NAP1L1: variants seen among roughly 807,000 people sequenced by gnomAD.
NAP1L1 encodes nucleosome assembly protein 1-like 1.
Under a neutral mutation model 58.9 loss-of-function variants are expected in NAP1L1, and 9 were observed. The observed-to-expected ratio is 0.15, with a 90% CI of 0.09 to 0.27. The LOEUF is 0.27. Ranked by LOEUF, NAP1L1 falls within the 10% of genes least tolerant of loss-of-function variation. The pLI, the probability that NAP1L1 is intolerant of heterozygous loss-of-function variation, is 1.00. For missense variants in NAP1L1, 302 were observed against 458.8 expected (o/e 0.66, Z 3.12); for synonymous variants, 130 against 138.3 (o/e 0.94, Z 0.42).
chr12:76,049,439 C>A (rs1192112674), intron 13 of NAP1L1, 189 bp from the exon 14 acceptor site: 1 of 1,535,610 alleles, frequency 6.5e-7, no homozygotes, highest in East Asian at 2.4e-5. Context: ...CTTGAGACAT[C>A]CAGACAGCTT....
At chr12:76,067,600 G>A (rs1949741639) in intron 3 of NAP1L1, 127 bp from the exon 4 acceptor site, 4 of 628,960 alleles carry the variant, frequency 6.4e-6, no homozygotes, top group South Asian at 2.2e-5. Flanking sequence ...CTAATGAGTA[G>A]AGACGGGCAG....
chr12:76,061,692 C>T (rs996423134), intron 4 of NAP1L1, among the ~76,000 whole-genome samples: 1 of 152,172 alleles, frequency 6.6e-6, no homozygotes, highest in African/African-American at 2.4e-5. Context: ...GCAACAGATA[C>T]AAAATCCAGG....
At chr12:76,070,126 T>G (rs1949881745) in intron 2 of NAP1L1, among the ~76,000 whole-genome samples, 1 of 152,112 alleles carries the variant, frequency 6.6e-6, no homozygotes, top group African/African-American at 2.4e-5. Context: ...TGAAAGCTTT[T>G]TTTTTTTTGG....
At chr12:76,084,394 GGGTCCGGACTCCGCGGTCCTGTCC>G (rs1950533168) in intron 1 of NAP1L1, among the ~76,000 whole-genome samples, 149 bp downstream of exon 1, 1 of 152,104 alleles carries the variant, frequency 6.6e-6, no homozygotes, top group Non-Finnish European at 1.5e-5. Flanking sequence ...TCAGGCTCCG[GGGTCCGGACTCCGCGGTCCTGTCC>G]GACCTCACAG....
At position 76,041,365 on chromosome 12, in the gene NAP1L1, C is replaced by A. The variant is rs1006481316; in HGVS notation, c.*7064G>T. 6.6e-5 allele frequency: 10 copies of A among 152,082 alleles called. No homozygotes were observed. Among genetic ancestry groups the A allele is most frequent in the Non-Finnish European group, 1.5e-4 (10 of 68,018 alleles). 9.4% of individuals were successfully genotyped at this position (152,082 alleles called of 1,614,324 possible). A position where few individuals can be genotyped will look rare whatever the true frequency, so the allele number is the denominator to read the frequency against. On this transcript the variant is annotated 3_prime_UTR_variant, in exon 15 of 15. Transcript: ENST00000618691. ...TCAAAACCAGTTCAGATTTATAGAA[C>A]CAAAGAGTAGGTACTGATGAAAAGG...
At chr12:76,082,236 A>G (rs1950433747) in intron 1 of NAP1L1, among the ~76,000 whole-genome samples, 2 of 152,218 alleles carry the variant, frequency 1.3e-5, no homozygotes, top group Admixed American at 6.5e-5. Flanking sequence ...CCTTCTACAA[A>G]AAGACCCTTA....
At chr12:76,074,754 C>T (rs1305317799) in intron 1 of NAP1L1, among the ~76,000 whole-genome samples, 2 of 152,174 alleles carry the variant, frequency 1.3e-5, no homozygotes. Flanking sequence ...CTCTGGATAT[C>T]TTTTTAAAAG....
intron 3 of NAP1L1, 39 bp downstream of exon 3, chr12:76,068,870 C>T (rs1359383241): frequency 4.8e-6 from 7 of 1,460,420 alleles, no homozygotes; most frequent in Non-Finnish European, 5.7e-6. Context: ...TAGACATGTG[C>T]CAGCAATCAC....
At chr12:76,065,012 T>C (rs543870712) in intron 4 of NAP1L1, among the ~76,000 whole-genome samples, 1 of 152,194 alleles carries the variant, frequency 6.6e-6, no homozygotes, top group Non-Finnish European at 1.5e-5. Flanking sequence ...CCTGAAACTT[T>C]CTTTATGCAC....
chr12:76,055,132 C>A lies in NAP1L1; in HGVS notation c.559-42G>T, dbSNP rs368453049. ...TAATAAAAATGAATAACATGGCATT[C>A]GAGGACTGTGTTCTGTTACTACACA... On this transcript the variant is annotated intron_variant, in intron 7 of 14. Coordinates refer to ENST00000618691, the MANE Select transcript of NAP1L1 (RefSeq NM_004537.7). 5.7e-6 allele frequency: 8 copies of A among 1,396,906 alleles called. 1 individual carries two copies. In the South Asian group the frequency reaches 8.7e-5, roughly 15 times the overall value. 86.5% of individuals were successfully genotyped at this position (1,396,906 alleles called of 1,614,324 possible).
chr12:76,057,797 C>T (rs1431662075), intron 6 of NAP1L1: 13 of 1,551,270 alleles, frequency 8.4e-6, no homozygotes, highest in Non-Finnish European at 1.0e-5. Flanking sequence ...CAAGGAACAG[C>T]AGGGGAAGAA....
At position 76,044,216 on chromosome 12, in the gene NAP1L1, C is replaced by G. The variant is rs549399981; in HGVS notation, c.*4213G>C. On this transcript the variant is annotated 3_prime_UTR_variant, in exon 15 of 15. Coordinates refer to ENST00000618691, the MANE Select transcript of NAP1L1 (RefSeq NM_004537.7). ...ACTTGGAATGCTGAGGCACGAGAATCGCTTGAACCCGGGAGATGACAGCTG... is the reference window on the plus strand; with the variant it reads ...ACTTGGAATGCTGAGGCACGAGAATGGCTTGAACCCGGGAGATGACAGCTG... 1 of 152,296 alleles carries G rather than the reference C, an allele frequency of 6.6e-6. No individual in the cohort carries two copies. Among genetic ancestry groups the G allele is most frequent in the African/African-American group, 2.4e-5 (1 of 41,424 alleles). 9.4% of individuals were successfully genotyped at this position (152,296 alleles called of 1,614,324 possible).
At chr12:76,049,059 T>G (rs1266033821) in intron 14 of NAP1L1, 141 bp downstream of exon 14, 2 of 751,508 alleles carry the variant, frequency 2.7e-6, no homozygotes, top group African/African-American at 1.8e-5. Context: ...ACAATGCCAG[T>G]GGGACTGAAA....
chr12:76,082,870 T>A (rs1489395222), intron 1 of NAP1L1, among the ~76,000 whole-genome samples: 1 of 152,216 alleles, frequency 6.6e-6, no homozygotes, highest in Admixed American at 6.5e-5. Flanking sequence ...AGGACCCAGA[T>A]ACTCGTTTCC....
chr12:76,076,466 A>T (rs1042064156), intron 1 of NAP1L1, among the ~76,000 whole-genome samples: 3 of 151,052 alleles, frequency 2.0e-5, no homozygotes, highest in African/African-American at 7.3e-5. Context: ...CTTTGCAGTC[A>T]CAAATGAAAC....
rs1592637464 is a variant in NAP1L1, at chr12:76,058,110, C to CT, written c.429+1687dup. 4 of 734,708 alleles carry CT rather than the reference C, an allele frequency of 5.4e-6. No homozygotes were observed. The East Asian group carries it at 7.7e-5, about 14-fold the overall frequency. 45.5% of individuals were successfully genotyped at this position (734,708 alleles called of 1,614,324 possible). Reference sequence around the variant, plus strand: ...AGTAGATGATGACAGCATCGAAGATCTTGGAGAAGAAGTGAATTTGAAAAT... The same window carrying CT: ...AGTAGATGATGACAGCATCGAAGATCTTTGGAGAAGAAGTGAATTTGAAAAT... On this transcript the variant is annotated intron_variant, in intron 6 of 14. Transcript: ENST00000618691.
In NAP1L1 at chr12:76,038,707, A is replaced by G. The variant is rs1414968781; in HGVS notation, c.*9722T>C. On this transcript the variant is annotated 3_prime_UTR_variant, in exon 15 of 15. Coordinates refer to ENST00000618691, the MANE Select transcript of NAP1L1 (RefSeq NM_004537.7). ...CAGAAAGGTGGAATAACACTTTTAC[A>G]AGAAGATAAAACCCAGGAAATGTTT... 6.6e-6 allele frequency: 1 copy of G among 152,206 alleles called. No homozygotes were observed. Among genetic ancestry groups the G allele is most frequent in the Non-Finnish European group, 1.5e-5 (1 of 68,036 alleles). 9.4% of individuals were successfully genotyped at this position (152,206 alleles called of 1,614,324 possible).
intron 13 of NAP1L1, 189 bp downstream of exon 13, chr12:76,049,567 G>A (rs1334395853): frequency 1.2e-5 from 19 of 1,530,788 alleles, no homozygotes; most frequent in Non-Finnish European, 3.5e-6. Context: ...AAATGTTGCT[G>A]AGTTTTGCAA....
At chr12:76,077,758 C>A (rs555179937) in intron 1 of NAP1L1, among the ~76,000 whole-genome samples, 2 of 151,802 alleles carry the variant, frequency 1.3e-5, no homozygotes, top group East Asian at 3.9e-4. Flanking sequence ...CCAAGGCAGG[C>A]GAATTGCCTG....
Sources: allele counts gnomAD v4.1 joint callset (sites outside exome capture counted in the v4.1 genomes callset), GRCh38; gene constraint gnomAD v4.1.1; transcripts MANE v1.5; gene names NCBI Gene and HGNC (gene_info 2026-07-23, HGNC 2026-07-21).